The following MTA3 variants were observed in gnomAD, a reference collection of about 807,000 sequenced individuals.
The protein encoded by MTA3 is metastasis-associated protein MTA3.
MTA3 carries 34 observed loss-of-function variants against 83.5 expected under a neutral mutation model. That is an observed-to-expected ratio of 0.41 (90% confidence interval 0.31 to 0.54). The LOEUF (loss-of-function observed/expected upper bound fraction) is 0.54. Ranked by LOEUF, MTA3 falls within the 20% of genes least tolerant of loss-of-function variation. The pLI is 0.33. For synonymous variants in MTA3, 303 were observed against 252.7 expected (o/e 1.20, Z -1.89); for missense variants, 761 against 726.4 (o/e 1.05, Z -0.55).
chr2:42,653,895 T>C (rs1263777806), intron 6 of MTA3, among the ~76,000 whole-genome samples: 1 of 152,232 alleles, frequency 6.6e-6, no homozygotes, highest in Non-Finnish European at 1.5e-5. Flanking sequence ...TTCAAATGTT[T>C]TACCACTACT....
chr2:42,519,539 G>A (rs1675314333), intron 2 of MTA3, among the ~76,000 whole-genome samples: 3 of 151,570 alleles, frequency 2.0e-5, no homozygotes, highest in African/African-American at 7.3e-5. Context: ...CTGGGAGGCA[G>A]AGGTTGCATT....
intron 2 of MTA3, among the ~76,000 whole-genome samples, chr2:42,504,739 C>A (rs1674552321): frequency 6.6e-6 from 1 of 151,380 alleles, no homozygotes; most frequent in South Asian, 2.1e-4. Flanking sequence ...TCAAGCAGTT[C>A]TCCCACCTCA....
chr2:42,594,728 A>ATATATATATTTTTTTTTTTTT, intron 3 of MTA3, among the ~76,000 whole-genome samples: 1 of 24,042 alleles, frequency 4.2e-5, no homozygotes, highest in African/African-American at 2.2e-4. Flanking sequence ...ATATATATAT[A>ATATATATATTTTTTTTTTTTT]TTTTTTTTTT....
intron 1 of MTA3, 31 bp downstream of exon 1, chr2:42,568,804 TGGGAGCGGGTTCC>T (rs772172222): frequency 1.5e-5 from 18 of 1,214,770 alleles, no homozygotes; most frequent in African/African-American, 9.4e-5. Context: ...CCGGCCCGTG[TGGGAGCGGGTTCC>T]GGGAGCGGGG....
At chr2:42,643,721 G>C (rs774221212) in intron 5 of MTA3, among the ~76,000 whole-genome samples, 5 of 152,166 alleles carry the variant, frequency 3.3e-5, no homozygotes, top group African/African-American at 7.2e-5. Context: ...ACAAAAGTAA[G>C]AGTACCTGGT....
chr2:42,519,048 G>T (rs528047310), intron 2 of MTA3, among the ~76,000 whole-genome samples: 4 of 149,454 alleles, frequency 2.7e-5, no homozygotes, highest in East Asian at 3.9e-4. Context: ...GTATGGAAAG[G>T]TGGGGGAAGA....
At chr2:42,605,841 C>CT (rs1435998803) in intron 3 of MTA3, among the ~76,000 whole-genome samples, 7 of 131,672 alleles carry the variant, frequency 5.3e-5, no homozygotes, top group African/African-American at 2.0e-4. Context: ...GGGTGGAGGG[C>CT]TGACCCCCCC....
At chr2:42,646,386 C>G (rs756419224) in intron 6 of MTA3, among the ~76,000 whole-genome samples, 2 of 152,124 alleles carry the variant, frequency 1.3e-5, no homozygotes, top group Non-Finnish European at 2.9e-5. Context: ...GCTATACTTG[C>G]CATAGATAAT....
chr2:42,606,206 C>G (rs1214176501), intron 3 of MTA3, among the ~76,000 whole-genome samples: 1 of 140,126 alleles, frequency 7.1e-6, no homozygotes, highest in South Asian at 2.4e-4. Flanking sequence ...CTGACCCCCC[C>G]CCACCTCCCT....
At chr2:42,677,346 T>TA (rs1691464959) in intron 8 of MTA3, among the ~76,000 whole-genome samples, 1 of 152,038 alleles carries the variant, frequency 6.6e-6, no homozygotes, top group Non-Finnish European at 1.5e-5. Context: ...ATTTTTTTTT[T>TA]ATTTTTTATT....
In MTA3 at chr2:42,545,909, T is replaced by A. The variant is rs1200831103; in HGVS notation, c.-140-24528T>A. On this transcript the variant is annotated intron_variant, in intron 2 of 17. Coordinates refer to the MTA3 transcript ENST00000405592. Reference sequence around the variant, plus strand: ...AAGGCCTTCAGACTGGAAATTCTGGTTATTGAAATTCTCTTAAGATGGGTA... The same window carrying A: ...AAGGCCTTCAGACTGGAAATTCTGGATATTGAAATTCTCTTAAGATGGGTA... 1.3e-5 allele frequency among the ~76,000 whole-genome samples: 2 copies of A among 152,158 alleles called. 1 individual carries two copies. The highest frequency in any genetic ancestry group is 4.1e-4 in the South Asian group (2 of 4,828).
At chr2:42,743,552 C>T (rs982817470) in intron 16 of MTA3, among the ~76,000 whole-genome samples, 10 of 152,156 alleles carry the variant, frequency 6.6e-5, no homozygotes, top group Admixed American at 5.2e-4. Context: ...GCTTATTTCC[C>T]CTAGGGCATG....
chr2:42,723,814 T>C (rs574347869), intron 16 of MTA3, among the ~76,000 whole-genome samples: 2 of 152,318 alleles, frequency 1.3e-5, no homozygotes, highest in Non-Finnish European at 2.9e-5. Flanking sequence ...AAATTACTTA[T>C]GTGACAGTAA....
intron 2 of MTA3, among the ~76,000 whole-genome samples, chr2:42,522,350 A>G (rs1453034755): frequency 6.6e-6 from 1 of 152,184 alleles, no homozygotes; most frequent in Non-Finnish European, 1.5e-5. Flanking sequence ...GGGTAGGGGC[A>G]GGTGAACTGT....
chr2:42,588,694 C>T (rs2103922751), intron 3 of MTA3, among the ~76,000 whole-genome samples: 1 of 152,098 alleles, frequency 6.6e-6, no homozygotes, highest in South Asian at 2.1e-4. Context: ...TCACCTATCC[C>T]TATAGGTGTA....
At chr2:42,601,031 C>T (rs1201516930) in intron 3 of MTA3, among the ~76,000 whole-genome samples, 1 of 151,994 alleles carries the variant, frequency 6.6e-6, no homozygotes, top group Non-Finnish European at 1.5e-5. Context: ...CTCAGCCTCC[C>T]GAGTAGCTGG....
At chr2:42,569,203 G>C (rs912383066) in intron 1 of MTA3, among the ~76,000 whole-genome samples, 3 of 151,486 alleles carry the variant, frequency 2.0e-5, no homozygotes, top group Non-Finnish European at 4.4e-5. Flanking sequence ...TGGGGGTGGG[G>C]GTGGGGGCGG....
chr2:42,693,164 G>T (rs1274714683), intron 9 of MTA3, among the ~76,000 whole-genome samples: 1 of 152,080 alleles, frequency 6.6e-6, no homozygotes, highest in Non-Finnish European at 1.5e-5. Context: ...TGGAACTGGG[G>T]TGTGGTGACA....
At position 42,596,049 on chromosome 2, in the gene MTA3, G is replaced by T. The variant is rs1681754019; in HGVS notation, c.191-13409G>T. 2.0e-5 allele frequency among the ~76,000 whole-genome samples: 3 copies of T among 152,320 alleles called. No homozygotes were observed. The South Asian group carries it at 6.2e-4, about 32-fold the overall frequency. Reference sequence around the variant, plus strand: ...AAAAGAACAATAAAAGGTCATCCTGGCATTTGAAAAACTTTTTCTTATTTC... The same window carrying T: ...AAAAGAACAATAAAAGGTCATCCTGTCATTTGAAAAACTTTTTCTTATTTC... On this transcript the variant is annotated intron_variant, in intron 3 of 16. Transcript: ENST00000405094.
Sources: allele counts gnomAD v4.1 joint callset (sites outside exome capture counted in the v4.1 genomes callset), GRCh38; gene constraint gnomAD v4.1.1; transcripts MANE v1.5; gene names NCBI Gene and HGNC (gene_info 2026-07-23, HGNC 2026-07-21).